Variants in CEP128 observed in about 807,000 individuals in gnomAD.
CEP128 encodes centrosomal protein 128kDa.
CEP128 carries 132 observed loss-of-function variants against 156.7 expected under a neutral mutation model. The observed-to-expected ratio is 0.84, with a 90% CI of 0.73 to 0.97. The LOEUF is 0.97. Among genes scored for constraint, CEP128 ranks in the 50% least tolerant of loss-of-function variants. The pLI, the probability that CEP128 is intolerant of heterozygous loss-of-function variation, is 0.00. For missense variants in CEP128, 1,252 were observed against 1,281.9 expected, an observed-to-expected ratio of 0.98 and a Z score of 0.36; for synonymous variants, 469 against 448.9, an observed-to-expected ratio of 1.04 and a Z score of -0.57.
intron 19 of CEP128, among the ~76,000 whole-genome samples, chr14:80,739,959 G>C (rs1434789080): frequency 6.6e-6 from 1 of 151,966 alleles, no homozygotes; most frequent in Non-Finnish European, 1.5e-5. Flanking sequence ...TTTTTATTTT[G>C]GTTATTCAGA....
At chr14:80,661,619 A>T (rs370268572) in intron 19 of CEP128, among the ~76,000 whole-genome samples, 3 of 152,230 alleles carry the variant, frequency 2.0e-5, no homozygotes, top group Admixed American at 6.5e-5. Flanking sequence ...TACAATATAA[A>T]TAAACTGTGA....
At chr14:80,792,734 GT>G in intron 14 of CEP128, 25 bp downstream of exon 14, 1 of 1,580,616 alleles carries the variant, frequency 6.3e-7, no homozygotes, top group Admixed American at 1.7e-5. Flanking sequence ...ATTGAAAACC[GT>G]TCCTTAGGAA....
chr14:80,882,072 A>G (rs1566690329), intron 8 of CEP128, among the ~76,000 whole-genome samples: 1 of 152,180 alleles, frequency 6.6e-6, no homozygotes, highest in Non-Finnish European at 1.5e-5. Context: ...CAGAGCAAAA[A>G]TGAACAAACG....
At chr14:80,958,810 T>A (rs1004156810) in intron 1 of CEP128, among the ~76,000 whole-genome samples, 3 of 152,200 alleles carry the variant, frequency 2.0e-5, no homozygotes, top group Non-Finnish European at 4.4e-5. Context: ...TACTGAGGCA[T>A]GTTCTCTCAC....
chr14:80,898,485 C>A (rs1889449155), intron 7 of CEP128, among the ~76,000 whole-genome samples: 1 of 152,142 alleles, frequency 6.6e-6, no homozygotes, highest in Admixed American at 6.5e-5. Flanking sequence ...CTAGAGATCA[C>A]AAAAACTATT....
chr14:80,517,239 T>C lies in CEP128; in HGVS notation c.3072+9630A>G, dbSNP rs147351212. On this transcript the variant is annotated intron_variant, in intron 23 of 24. Transcript: ENST00000555265. ...TTTTTAAATTTCATTGATCTTAAATTTACTATATCCTTGCTTTGACTTACT... is the reference window on the plus strand; with the variant it reads ...TTTTTAAATTTCATTGATCTTAAATCTACTATATCCTTGCTTTGACTTACT... 5.3e-5 allele frequency among the ~76,000 whole-genome samples: 8 copies of C among 152,238 alleles called. No homozygotes were observed. In the South Asian group the frequency reaches 8.3e-4, roughly 16 times the overall value.
At position 80,791,994 on chromosome 14, in the gene CEP128, C is replaced by A. The variant is rs970575548; in HGVS notation, c.1560+766G>T. ...CAAATGACAAAGCACAAATGATAAA[C>A]CAAGAATAAACATGGATAAAAAAAT... On this transcript the variant is annotated intron_variant, in intron 14 of 24. Coordinates refer to ENST00000555265, the MANE Select transcript of CEP128 (RefSeq NM_152446.5). Among the ~76,000 whole-genome samples the A allele has an allele frequency of 2.0e-5, 3 of 151,992 alleles. No individual in the cohort carries two copies. In the South Asian group the frequency reaches 6.2e-4, roughly 32 times the overall value.
At chr14:80,717,309 C>CA (rs1026023579) in intron 19 of CEP128, among the ~76,000 whole-genome samples, 5 of 151,824 alleles carry the variant, frequency 3.3e-5, no homozygotes, top group Non-Finnish European at 7.4e-5. Flanking sequence ...GGAATACTCC[C>CA]AAAAAAAGAA....
At chr14:80,527,685 G>C (rs552588325) in intron 22 of CEP128, among the ~76,000 whole-genome samples, 34 of 152,204 alleles carry the variant, frequency 2.2e-4, no homozygotes, top group African/African-American at 8.2e-4. Context: ...ATATATTCTT[G>C]TTTTAAAAAA....
intron 19 of CEP128, among the ~76,000 whole-genome samples, chr14:80,689,515 T>G (rs1429964696): frequency 6.6e-6 from 1 of 152,192 alleles, no homozygotes. Flanking sequence ...CTACTAGCAT[T>G]AATATTTTCA....
chr14:80,553,257 G>A (rs535379571), intron 21 of CEP128, among the ~76,000 whole-genome samples: 123 of 151,936 alleles, frequency 8.1e-4, no homozygotes, highest in African/African-American at 2.9e-3. Flanking sequence ...ACCCCCAACC[G>A]ACATGCCCTA....
intron 19 of CEP128, among the ~76,000 whole-genome samples, chr14:80,728,661 C>G (rs905914153): frequency 6.6e-6 from 1 of 151,998 alleles, no homozygotes; most frequent in Non-Finnish European, 1.5e-5. Flanking sequence ...ATTCCAAATT[C>G]TTATTTATTG....
chr14:80,618,878 C>T (rs1393303096), intron 19 of CEP128, among the ~76,000 whole-genome samples: 1 of 152,176 alleles, frequency 6.6e-6, no homozygotes, highest in Non-Finnish European at 1.5e-5. Context: ...CTAGTACATT[C>T]CCAGGTAATG....
intron 8 of CEP128, among the ~76,000 whole-genome samples, chr14:80,865,722 G>C (rs1341748355): frequency 2.6e-5 from 4 of 152,076 alleles, no homozygotes; most frequent in Non-Finnish European, 4.4e-5. Flanking sequence ...TCATCTTCTT[G>C]TCTGCTTGTT....
intron 16 of CEP128, among the ~76,000 whole-genome samples, chr14:80,769,467 C>A (rs327470): frequency 2.6e-5 from 4 of 151,624 alleles, no homozygotes; most frequent in African/African-American, 4.9e-5. Context: ...TGTGACGTTC[C>A]CATTGTTCAG....
chr14:80,821,600 T>TACATACACACACAC (rs1430951231), intron 13 of CEP128, among the ~76,000 whole-genome samples: 2 of 145,276 alleles, frequency 1.4e-5, no homozygotes, highest in African/African-American at 5.2e-5. Flanking sequence ...CATACACACA[T>TACATACACACACAC]ACACACACAC....
downstream of CEP128, among the ~76,000 whole-genome samples, chr14:80,493,014 A>G (rs536623954): frequency 5.9e-5 from 9 of 152,234 alleles, no homozygotes; most frequent in South Asian, 1.7e-3. Flanking sequence ...TTTATTTCCA[A>G]TTAAGTATAC....
intron 13 of CEP128, among the ~76,000 whole-genome samples, chr14:80,794,941 G>A (rs1022269883): frequency 2.6e-5 from 4 of 152,190 alleles, no homozygotes; most frequent in African/African-American, 9.6e-5. Context: ...GAGTACTCGA[G>A]TTATACCAAA....
intron 1 of CEP128, among the ~76,000 whole-genome samples, chr14:80,939,805 C>T (rs558325380): frequency 6.6e-6 from 1 of 152,200 alleles, no homozygotes; most frequent in East Asian, 1.9e-4. Context: ...CAGTGTGAAC[C>T]GCAGCCCAAG....
Sources: allele counts gnomAD v4.1 joint callset (sites outside exome capture counted in the v4.1 genomes callset), GRCh38; gene constraint gnomAD v4.1.1; transcripts MANE v1.5; gene names NCBI Gene and HGNC (gene_info 2026-07-23, HGNC 2026-07-21).